Variants in RBPMS observed in about 807,000 individuals in gnomAD.
The protein encoded by RBPMS is RNA binding protein, mRNA processing factor, also known as RNA-binding protein with multiple splicing.
RBPMS carries 7 observed loss-of-function variants against 26.8 expected under a neutral mutation model. The ratio of observed to expected loss-of-function variants is 0.26; its 90% confidence interval spans 0.15 to 0.49. The LOEUF is 0.49. Among genes scored for constraint, RBPMS ranks in the 20% least tolerant of loss-of-function variants. RBPMS has a pLI of 0.98. For missense variants in RBPMS, 186 were observed against 250.0 expected (o/e 0.74, Z 1.73); for synonymous variants, 96 against 93.3 (o/e 1.03, Z -0.17).
chr8:30,386,568 G>A (rs532840477), intron 1 of RBPMS, among the ~76,000 whole-genome samples: 1 of 152,182 alleles, frequency 6.6e-6, no homozygotes, highest in Middle Eastern at 3.4e-3. Flanking sequence ...GAATGCTACT[G>A]GCATTTCTTT....
chr8:30,566,988 T>C (rs1011204386), intron 8 of RBPMS, among the ~76,000 whole-genome samples: 18 of 152,194 alleles, frequency 1.2e-4, no homozygotes, highest in Non-Finnish European at 1.3e-4. Context: ...GTTCGTTAGC[T>C]ACTAGCAGGA....
At chr8:30,482,339 A>G (rs1014801735) in intron 4 of RBPMS, among the ~76,000 whole-genome samples, 1 of 152,180 alleles carries the variant, frequency 6.6e-6, no homozygotes, top group Non-Finnish European at 1.5e-5. Context: ...TTATTCCACT[A>G]TTGAGAAACA....
chr8:30,408,129 A>G (rs571945711), intron 1 of RBPMS, among the ~76,000 whole-genome samples: 1 of 152,304 alleles, frequency 6.6e-6, no homozygotes, highest in East Asian at 1.9e-4. Context: ...AGTCTTTTCT[A>G]CTTCTTCCAT....
At chr8:30,428,017 C>A (rs1392739931) in intron 1 of RBPMS, among the ~76,000 whole-genome samples, 1 of 138,918 alleles carries the variant, frequency 7.2e-6, no homozygotes, top group Non-Finnish European at 1.6e-5. Context: ...AATGAGACCC[C>A]ATCTTTTTTT....
intron 5 of RBPMS, among the ~76,000 whole-genome samples, chr8:30,543,337 T>C (rs1407546671): frequency 6.6e-6 from 1 of 152,106 alleles, no homozygotes; most frequent in East Asian, 1.9e-4. Context: ...GCCCCCTTTC[T>C]GTATTGAAGA....
At chr8:30,554,780 CAG>C (rs1826712265) in intron 6 of RBPMS, among the ~76,000 whole-genome samples, 1 of 152,194 alleles carries the variant, frequency 6.6e-6, no homozygotes, top group Non-Finnish European at 1.5e-5. Flanking sequence ...ACAGTCCAAC[CAG>C]AGAGTATTTG....
rs1317431443 is a variant in RBPMS, at chr8:30,441,891, G to C, written c.67-32888G>C. Reference sequence around the variant, plus strand: ...TGCAATCTCCGCCTCCTGGATTCAAGCGATTCTCCTGCCTCAGCCTCCCGA... The same window carrying C: ...TGCAATCTCCGCCTCCTGGATTCAACCGATTCTCCTGCCTCAGCCTCCCGA... On this transcript the variant is annotated intron_variant, in intron 1 of 8. Coordinates refer to ENST00000397323, the MANE Select transcript of RBPMS (RefSeq NM_001008710.3). 2.6e-5 allele frequency among the ~76,000 whole-genome samples: 4 copies of C among 152,214 alleles called. No homozygotes were observed. In the East Asian group the frequency reaches 7.7e-4, roughly 29 times the overall value.
intron 1 of RBPMS, chr8:30,445,270 G>A (rs1002793081): frequency 1.3e-5 from 2 of 152,132 alleles, no homozygotes; most frequent in Non-Finnish European, 2.9e-5. Context: ...GGGAATGCAT[G>A]AAAGAATAAT....
chr8:30,445,649 G>GATATATATATAT (rs59580323), intron 1 of RBPMS, among the ~76,000 whole-genome samples: 1,263 of 107,296 alleles, frequency 0.012, 65 homozygotes, highest in African/African-American at 0.025. Context: ...TATACACACG[G>GATATATATATAT]ATATATATAT....
chr8:30,563,969 T>C (rs1377896182), intron 7 of RBPMS: 1 of 152,288 alleles, frequency 6.6e-6, no homozygotes, highest in Non-Finnish European at 1.5e-5. Context: ...CTAAGGCTAA[T>C]ACGGTGAGCA....
intron 6 of RBPMS, chr8:30,556,146 C>T: frequency 2.0e-6 from 2 of 985,396 alleles, no homozygotes; most frequent in South Asian, 9.4e-5. Context: ...GCCTGAGACA[C>T]AAGAGCAATG....
At chr8:30,469,815 G>A (rs1297490802) in intron 1 of RBPMS, among the ~76,000 whole-genome samples, 2 of 152,162 alleles carry the variant, frequency 1.3e-5, no homozygotes, top group African/African-American at 2.4e-5. Context: ...TTGTTAATGA[G>A]TATTTCATCA....
At chr8:30,429,477 T>C (rs1021979340) in intron 1 of RBPMS, among the ~76,000 whole-genome samples, 5 of 152,232 alleles carry the variant, frequency 3.3e-5, no homozygotes, top group African/African-American at 1.2e-4. Flanking sequence ...GTTAAGCTAA[T>C]GACAGTGTTA....
intron 5 of RBPMS, among the ~76,000 whole-genome samples, chr8:30,513,224 T>C (rs1401035887): frequency 6.6e-6 from 1 of 152,112 alleles, no homozygotes; most frequent in African/African-American, 2.4e-5. Flanking sequence ...GACTTCAGAC[T>C]GTGGCATCAG....
chr8:30,417,746 TC>T (rs5890517), intron 1 of RBPMS, among the ~76,000 whole-genome samples: 18,442 of 152,186 alleles, frequency 0.12, 2,523 homozygotes, highest in African/African-American at 0.34. Context: ...GTTTAGAACT[TC>T]CATGTTAGTA....
rs773230439 is a variant in RBPMS at position 30,430,546 on chromosome 8, AC to A, written c.67-44232del. Among the ~76,000 whole-genome samples the A allele has an allele frequency of 3.9e-5, 6 of 152,366 alleles. No individual in the cohort carries two copies. The East Asian group carries it at 1.2e-3, about 29-fold the overall frequency. ...ATGTACAGTACAAGTATATCAAAGA[AC>A]AAAAATGCAGTAATCCAGCATTGTC... On this transcript the variant is annotated intron_variant, in intron 1 of 8. Transcript: ENST00000397323.
intron 6 of RBPMS, chr8:30,555,798 A>T (rs1372038251): frequency 2.5e-6 from 2 of 784,550 alleles, no homozygotes; most frequent in African/African-American, 3.8e-5. Context: ...TGGGATGGGC[A>T]GGAGTGACCT....
At chr8:30,567,974 T>C (rs1828013052) in intron 8 of RBPMS, among the ~76,000 whole-genome samples, 1 of 152,180 alleles carries the variant, frequency 6.6e-6, no homozygotes, top group Non-Finnish European at 1.5e-5. Context: ...TTATGTGACC[T>C]ACCCTTGGAG....
intron 4 of RBPMS, among the ~76,000 whole-genome samples, chr8:30,500,358 A>C: frequency 7.0e-6 from 1 of 142,476 alleles, no homozygotes. Context: ...TTTTTTTTTC[A>C]GGCTAATCTA....
Sources: gnomAD v4.1 joint callset for allele counts (sites outside exome capture counted in the v4.1 genomes callset) on GRCh38, gnomAD v4.1.1 for gene constraint, MANE v1.5 for transcripts, NCBI Gene and HGNC (gene_info 2026-07-23, HGNC 2026-07-21) for gene names.